YIPF5: variants seen among roughly 807,000 people sequenced by gnomAD.
YIPF5 encodes Yip1 domain family member 5, also known as protein YIPF5.
In YIPF5, 8 loss-of-function variants were observed where a neutral mutation model predicts 30.4. The ratio of observed to expected loss-of-function variants is 0.26; its 90% confidence interval spans 0.15 to 0.47. The LOEUF (loss-of-function observed/expected upper bound fraction) is 0.47. Ranked by LOEUF, YIPF5 falls within the 20% of genes least tolerant of loss-of-function variation. The pLI is 0.99. For missense variants in YIPF5, 282 were observed against 301.8 expected (o/e 0.93, Z 0.49); for synonymous variants, 104 against 107.9 (o/e 0.96, Z 0.23).
Position 144,158,225 on chromosome 5 carries a change from A to G in YIPF5, c.*2172T>C, listed in dbSNP as rs1323491663. ...AAATATGCCTACATAACAGAGTTTG[A>G]TAAGAGAAGTTTTGGCTATATACAA... On this transcript the variant is annotated 3_prime_UTR_variant, in exon 6 of 6. Coordinates refer to ENST00000274496, the MANE Select transcript of YIPF5 (RefSeq NM_030799.9). 1.2e-5 allele frequency: 4 copies of G among 320,052 alleles called. No homozygotes were observed. Among genetic ancestry groups the G allele is most frequent in the African/African-American group, 2.3e-5 (1 of 43,412 alleles). The allele number at this position is 320,052 out of a possible 1,614,324, so 19.8% of individuals were successfully genotyped here.
chr5:144,164,991 A>G (rs2126759922), intron 3 of YIPF5, among the ~76,000 whole-genome samples: 2 of 152,276 alleles, frequency 1.3e-5, no homozygotes, highest in East Asian at 3.9e-4. Context: ...CATACCTTTC[A>G]TTAGATTTTC....
At chr5:144,169,733 C>G (rs1177463720) in intron 2 of YIPF5, 113 bp downstream of exon 2, 1 of 850,096 alleles carries the variant, frequency 1.2e-6, no homozygotes, top group Non-Finnish European at 1.9e-6. Context: ...CATGAAAGAT[C>G]ATACTCCTGA....
rs1412218352 is a variant in YIPF5 at position 144,160,387 on chromosome 5, A to G, written c.*10T>C. On this transcript the variant is annotated 3_prime_UTR_variant, in exon 6 of 6. Coordinates refer to ENST00000274496, the MANE Select transcript of YIPF5 (RefSeq NM_030799.9). Reference sequence around the variant, plus strand: ...TCTGGCCCACTGATGTCCACATCCCAGATAAATTTTCAAAAGACGGAAATC... The same window carrying G: ...TCTGGCCCACTGATGTCCACATCCCGGATAAATTTTCAAAAGACGGAAATC... 6.2e-7 allele frequency: 1 copy of G among 1,611,208 alleles called. No individual in the cohort carries two copies. The highest frequency in any genetic ancestry group is 1.7e-5 in the Admixed American group (1 of 59,832).
intron 4 of YIPF5, chr5:144,163,905 G>C (rs1184898100): frequency 1.1e-5 from 5 of 451,188 alleles, no homozygotes; most frequent in African/African-American, 8.2e-5. Context: ...TCATTTCTTA[G>C]AAAAAGAAAT....
chr5:144,169,740 C>A, intron 2 of YIPF5, 106 bp downstream of exon 2: 1 of 897,200 alleles, frequency 1.1e-6, no homozygotes, highest in Non-Finnish European at 1.8e-6. Context: ...GATCATACTC[C>A]TGATAAAGGA....
At position 144,159,491 on chromosome 5, in the gene YIPF5, T is replaced by C. The variant is rs922781336; in HGVS notation, c.*906A>G. 7.1e-6 allele frequency: 7 copies of C among 980,724 alleles called. No individual in the cohort carries two copies. Among genetic ancestry groups the C allele is most frequent in the Non-Finnish European group, 8.5e-6 (7 of 827,956 alleles). The allele number at this position is 980,724 out of a possible 1,614,324, so 60.8% of individuals were successfully genotyped here. A position where few individuals can be genotyped will look rare whatever the true frequency, so the allele number is the denominator to read the frequency against. On this transcript the variant is annotated 3_prime_UTR_variant, in exon 6 of 6. Transcript: ENST00000274496. ...TATGTAAGTAAGTGTTCGCATTTCA[T>C]GTCTACAATAAGGTAGATTGTGAAC... is the stretch of plus-strand genomic sequence containing the variant.
At chr5:144,167,200 A>G (rs1251684896) in intron 2 of YIPF5, among the ~76,000 whole-genome samples, 2 of 152,174 alleles carry the variant, frequency 1.3e-5, no homozygotes, top group Non-Finnish European at 2.9e-5. Flanking sequence ...CCATCATTCC[A>G]TCTTCAAGAG....
Position 144,165,948 on chromosome 5 carries a change from T to G in YIPF5, c.111-344A>C, listed in dbSNP as rs1473250110. ...TCTCCCTTAGTGGATATATACAATA[T>G]GAAGATACACTATGAAATAAAATCT... is the stretch of plus-strand genomic sequence containing the variant. On this transcript the variant is annotated intron_variant, in intron 2 of 5. Transcript: ENST00000274496. 3.9e-5 allele frequency among the ~76,000 whole-genome samples: 6 copies of G among 152,212 alleles called. No homozygotes were observed. The East Asian group carries it at 1.2e-3, about 29-fold the overall frequency.
At chr5:144,163,934 C>T in intron 4 of YIPF5, 177 bp downstream of exon 4, 6 of 550,152 alleles carry the variant, frequency 1.1e-5, no homozygotes, top group Non-Finnish European at 1.7e-5. Context: ...AAACATGCTA[C>T]ACTTACTATA....
intron 2 of YIPF5, 152 bp downstream of exon 2, chr5:144,169,694 A>T: frequency 3.0e-6 from 2 of 656,082 alleles, no homozygotes; most frequent in Non-Finnish European, 5.1e-6. Flanking sequence ...AGCCAGTGTC[A>T]CATATCTCTC....
intron 4 of YIPF5, among the ~76,000 whole-genome samples, chr5:144,162,706 G>A (rs1288086277): frequency 6.6e-6 from 1 of 152,170 alleles, no homozygotes; most frequent in Non-Finnish European, 1.5e-5. Context: ...AAAGAACTCT[G>A]GATGATTTTA....
Position 144,158,874 on chromosome 5 carries a change from T to C in YIPF5, c.*1523A>G, listed in dbSNP as rs1307669656. ...ACTTGTTCTAAAAAAGAACCATTGA[T>C]ACATCATTTTGACATTTCTATTTAG... On this transcript the variant is annotated 3_prime_UTR_variant, in exon 6 of 6. Transcript: ENST00000274496. The C allele has an allele frequency of 3.1e-6, 3 of 982,924 alleles. No individual in the cohort carries two copies. The highest frequency in any genetic ancestry group is 4.7e-5 in the South Asian group (1 of 21,244). 60.9% of individuals were successfully genotyped at this position (982,924 alleles called of 1,614,324 possible). A position where few individuals can be genotyped will look rare whatever the true frequency, so the allele number is the denominator to read the frequency against.
chr5:144,160,570 C>T lies in YIPF5; in HGVS notation c.612-11G>A. 2 of 1,596,550 alleles carry T rather than the reference C, an allele frequency of 1.3e-6. No individual in the cohort carries two copies. Among genetic ancestry groups the T allele is most frequent in the Non-Finnish European group, 1.7e-6 (2 of 1,172,410 alleles). On this transcript the variant is annotated splice_polypyrimidine_tract_variant and intron_variant, in intron 5 of 5. Coordinates refer to ENST00000274496, the MANE Select transcript of YIPF5 (RefSeq NM_030799.9). Reference sequence around the variant, plus strand: ...ATTCCTACCATTCCTCTGTAAACAACAAGGAAAAAGGGGGGAGAAGAAAAA... The same window carrying T: ...ATTCCTACCATTCCTCTGTAAACAATAAGGAAAAAGGGGGGAGAAGAAAAA...
At position 144,158,205 on chromosome 5, in the gene YIPF5, T is replaced by G; in HGVS notation, c.*2192A>C. 6.7e-6 allele frequency: 2 copies of G among 296,306 alleles called. No individual in the cohort carries two copies. The highest frequency in any genetic ancestry group is 2.3e-5 in the African/African-American group (1 of 43,064). The allele number at this position is 296,306 out of a possible 1,614,324, so 18.4% of individuals were successfully genotyped here. A position where few individuals can be genotyped will look rare whatever the true frequency, so the allele number is the denominator to read the frequency against. On this transcript the variant is annotated 3_prime_UTR_variant, in exon 6 of 6. Transcript: ENST00000274496. ...ACAGTCTTTAATGTATATATAAATA[T>G]GCCTACATAACAGAGTTTGATAAGA...
chr5:144,165,812 T>C (rs1442156584), intron 2 of YIPF5, among the ~76,000 whole-genome samples: 6 of 152,124 alleles, frequency 3.9e-5, no homozygotes, highest in Non-Finnish European at 5.9e-5. Context: ...ATAATTTTTA[T>C]AGAAAATATT....
Position 144,159,706 on chromosome 5 carries a change from C to CTTT in YIPF5, c.*688_*690dup, listed in dbSNP as rs11459784. ...ATTTTTGCAGTAAGTCTTGTGTCTC[C>CTTT]TTTTTTTTTTTTTTTTGAGACAGAG... On this transcript the variant is annotated 3_prime_UTR_variant, in exon 6 of 6. Coordinates refer to ENST00000274496, the MANE Select transcript of YIPF5 (RefSeq NM_030799.9). 7.6e-3 allele frequency: 6,755 copies of CTTT among 891,680 alleles called. 3 individuals carry two copies. The highest frequency in any genetic ancestry group is 0.011 in the Middle Eastern group (19 of 1,722). 55.2% of individuals were successfully genotyped at this position (891,680 alleles called of 1,614,324 possible).
chr5:144,158,588 C>G lies in YIPF5; in HGVS notation c.*1809G>C, dbSNP rs1751935859. The G allele has an allele frequency of 9.1e-7, 1 of 1,101,312 alleles. No homozygotes were observed. The highest frequency in any genetic ancestry group is 1.7e-5 in the African/African-American group (1 of 58,064). 68.2% of individuals were successfully genotyped at this position (1,101,312 alleles called of 1,614,324 possible). A position where few individuals can be genotyped will look rare whatever the true frequency, so the allele number is the denominator to read the frequency against. On this transcript the variant is annotated 3_prime_UTR_variant, in exon 6 of 6. Coordinates refer to ENST00000274496, the MANE Select transcript of YIPF5 (RefSeq NM_030799.9). ...TATTAAGGGAAGACATTTGCCTTAA[C>G]AAAAACTATACTGAAAAAGACAAAT...
At chr5:144,169,671 A>ATTT (rs1752306813) in intron 2 of YIPF5, among the ~76,000 whole-genome samples, 175 bp downstream of exon 2, 1 of 152,186 alleles carries the variant, frequency 6.6e-6, no homozygotes, top group Non-Finnish European at 1.5e-5. Context: ...ATAGAACAAT[A>ATTT]CCTTCGAAGC....
chr5:144,158,278 T>G lies in YIPF5; in HGVS notation c.*2119A>C. On this transcript the variant is annotated 3_prime_UTR_variant, in exon 6 of 6. Coordinates refer to ENST00000274496, the MANE Select transcript of YIPF5 (RefSeq NM_030799.9). ...CTGCATGTAATCAAACTCTAGAACATCAAATGCAACTCCACTGCATAGCTG... is the reference window on the plus strand; with the variant it reads ...CTGCATGTAATCAAACTCTAGAACAGCAAATGCAACTCCACTGCATAGCTG... 2 of 497,474 alleles carry G rather than the reference T, an allele frequency of 4.0e-6. No individual in the cohort carries two copies. The highest frequency in any genetic ancestry group is 3.7e-5 in the South Asian group (2 of 53,796). 30.8% of individuals were successfully genotyped at this position (497,474 alleles called of 1,614,324 possible).
Sources: allele counts gnomAD v4.1 joint callset (sites outside exome capture counted in the v4.1 genomes callset), GRCh38; gene constraint gnomAD v4.1.1; transcripts MANE v1.5; gene names NCBI Gene and HGNC (gene_info 2026-07-23, HGNC 2026-07-21).